The following NHSL2 variants were observed in gnomAD, a reference collection of about 807,000 sequenced individuals.
NHSL2 encodes NHS-like protein 2.
In NHSL2, 27 loss-of-function variants were observed where a neutral mutation model predicts 53.4. The observed-to-expected ratio is 0.51, with a 90% CI of 0.37 to 0.70. NHSL2 has a LOEUF of 0.70. NHSL2 is among the 30% of genes least tolerant of loss of function. NHSL2 has a pLI of 0.00. For missense variants in NHSL2, 892 were observed against 980.1 expected, an observed-to-expected ratio of 0.91 and a Z score of 1.20; for synonymous variants, 408 against 404.1, an observed-to-expected ratio of 1.01 and a Z score of -0.12.
chrX:72,131,572 G>A (rs1175448406), intron 1 of NHSL2: 1 of 1,139,469 alleles, frequency 8.8e-7, no homozygotes, highest in South Asian at 2.1e-5. Context: ...GGGGCTCCGT[G>A]GTGGGGAAAG....
At chrX:71,943,855 G>T (rs1418155851) in intron 1 of NHSL2, among the ~76,000 whole-genome samples, 3 of 112,145 alleles carry the variant, frequency 2.7e-5, no homozygotes, top group Non-Finnish European at 3.8e-5. Flanking sequence ...TTAGGTGGTT[G>T]CCTGCTCTGC....
intron 5 of NHSL2, among the ~76,000 whole-genome samples, chrX:72,137,527 TC>T (rs1569483755): frequency 8.9e-6 from 1 of 111,810 alleles, no homozygotes; most frequent in African/African-American, 3.3e-5. Context: ...GAGAGAGGGT[TC>T]CTCACCATCA....
Position 71,964,146 on chromosome X carries a change from T to C in NHSL2, c.280+52779T>C, listed in dbSNP as rs1242627851. On this transcript the variant is annotated intron_variant, in intron 1 of 7. Transcript: ENST00000633930. ...TTGTTACATAGGTATACACATGCCA[T>C]GGTGGTTTGCTGCACCCATCAACCC... Among the ~76,000 whole-genome samples, 7 of 100,742 alleles carry C rather than the reference T, an allele frequency of 6.9e-5. No individual in the cohort carries two copies. The East Asian group carries it at 2.2e-3, about 31-fold the overall frequency. The allele number at this position is 100,742 out of a possible 115,157, so 87.5% of individuals were successfully genotyped here.
intron 1 of NHSL2, among the ~76,000 whole-genome samples, chrX:72,126,558 C>CA (rs2042227338): frequency 1.1e-5 from 1 of 88,786 alleles, no homozygotes; most frequent in African/African-American, 3.5e-5. Flanking sequence ...TGAATGTTCC[C>CA]ACCCACTTCC....
intron 1 of NHSL2, among the ~76,000 whole-genome samples, chrX:71,966,746 G>A (rs1602284380): frequency 9.0e-6 from 1 of 111,503 alleles, no homozygotes; most frequent in East Asian, 2.8e-4. Context: ...ATTGGTCTGT[G>A]GTTTTCTTTT....
intron 1 of NHSL2, among the ~76,000 whole-genome samples, chrX:72,043,072 G>A (rs1239423563): frequency 9.0e-6 from 1 of 111,150 alleles, no homozygotes; most frequent in African/African-American, 3.3e-5. Context: ...TGCCGCTGAG[G>A]TTCCCACAAT....
chrX:72,054,110 G>A lies in NHSL2; in HGVS notation c.281-77969G>A, dbSNP rs760151932. Among the ~76,000 whole-genome samples, 6 of 111,517 alleles carry A rather than the reference G, an allele frequency of 5.4e-5. No homozygotes were observed. The East Asian group carries it at 1.7e-3, about 32-fold the overall frequency. ...ACTCTGGGCCAGCTCTGCTGTAGGT[G>A]CCAGGGATACTCCATAGCCCTCTCT... On this transcript the variant is annotated intron_variant, in intron 1 of 7. Coordinates refer to ENST00000633930, the MANE Select transcript of NHSL2 (RefSeq NM_001013627.3).
chrX:72,001,253 C>T (rs1408187761), intron 1 of NHSL2, among the ~76,000 whole-genome samples: 1 of 111,906 alleles, frequency 8.9e-6, no homozygotes, highest in Admixed American at 9.4e-5. Context: ...CTTTTTACTT[C>T]CTTTCCACAG....
chrX:72,067,347 G>A (rs1049942645), intron 1 of NHSL2, among the ~76,000 whole-genome samples: 1 of 111,157 alleles, frequency 9.0e-6, no homozygotes, highest in Non-Finnish European at 1.9e-5. Context: ...CATGTTCCTG[G>A]AAATATAATC....
rs371738524 is a variant in NHSL2 at position 72,135,984 on chromosome X, C to T, written c.761-1110C>T. Among the ~76,000 whole-genome samples the T allele has an allele frequency of 9.8e-4, 108 of 110,673 alleles. No individual in the cohort carries two copies. In the South Asian group the frequency reaches 0.039, roughly 40 times the overall value. ...CCAGGAGTCAGAGATTGCAGTGAGC[C>T]GAGATCACACCACTGCACTCCAGCC... On this transcript the variant is annotated intron_variant, in intron 4 of 7. Transcript: ENST00000633930.
intron 1 of NHSL2, among the ~76,000 whole-genome samples, chrX:72,030,551 A>G (rs936851714): frequency 7.2e-5 from 8 of 111,777 alleles, no homozygotes; most frequent in Non-Finnish European, 1.1e-4. Context: ...AGATCAAAAT[A>G]TAGAACATTC....
chrX:72,121,166 C>G (rs2042178548), intron 1 of NHSL2, among the ~76,000 whole-genome samples: 1 of 112,200 alleles, frequency 8.9e-6, no homozygotes, highest in African/African-American at 3.2e-5. Context: ...GGCAGGGACT[C>G]AGCTGACAGA....
chrX:72,028,640 A>C (rs1286743005), intron 1 of NHSL2, among the ~76,000 whole-genome samples: 2 of 112,007 alleles, frequency 1.8e-5, no homozygotes, highest in Non-Finnish European at 3.8e-5. Context: ...TGATAAGGTC[A>C]TGATAGGTGC....
Position 71,911,050 on chromosome X carries a change from C to T in NHSL2, c.-38C>T. The T allele has an allele frequency of 2.1e-6, 2 of 973,116 alleles. No homozygotes were observed. The highest frequency in any genetic ancestry group is 3.8e-5 in the South Asian group (1 of 26,574). 80.2% of individuals were successfully genotyped at this position (973,116 alleles called of 1,213,427 possible). On this transcript the variant is annotated 5_prime_UTR_variant, in exon 1 of 8. Coordinates refer to ENST00000633930, the MANE Select transcript of NHSL2 (RefSeq NM_001013627.3). Reference sequence around the variant, plus strand: ...GCTGCTCGGGGTGAGCCCGCCGCGCCGCCAGACTGGTCCCCTGCGCCCGCG... The same window carrying T: ...GCTGCTCGGGGTGAGCCCGCCGCGCTGCCAGACTGGTCCCCTGCGCCCGCG...
At chrX:72,037,422 C>CA (rs1209722622) in intron 1 of NHSL2, among the ~76,000 whole-genome samples, 103 of 97,697 alleles carry the variant, frequency 1.1e-3, no homozygotes, top group African/African-American at 3.0e-3. Context: ...GACTCTGTCT[C>CA]AAAAAAAAAA....
At chrX:72,106,517 G>T (rs1202329412) in intron 1 of NHSL2, among the ~76,000 whole-genome samples, 1 of 112,018 alleles carries the variant, frequency 8.9e-6, no homozygotes, top group Non-Finnish European at 1.9e-5. Context: ...ACTGTTGGTG[G>T]GAGTGTAAAT....
intron 1 of NHSL2, among the ~76,000 whole-genome samples, chrX:72,114,342 G>A (rs2042118414): frequency 8.9e-6 from 1 of 111,973 alleles, no homozygotes; most frequent in Non-Finnish European, 1.9e-5. Context: ...AGGTAGCAGC[G>A]GCCTCCTCTC....
At chrX:71,967,322 G>A (rs1263341559) in intron 1 of NHSL2, among the ~76,000 whole-genome samples, 1 of 110,810 alleles carries the variant, frequency 9.0e-6, no homozygotes. Flanking sequence ...CTTTTCTTCT[G>A]CTTACTTTGG....
chrX:72,141,614 C>T (rs774646687), intron 6 of NHSL2, among the ~76,000 whole-genome samples: 2 of 111,941 alleles, frequency 1.8e-5, no homozygotes, highest in African/African-American at 3.3e-5. Flanking sequence ...TGACTCTAGA[C>T]ACCTCATATA....
Sources: allele counts gnomAD v4.1 joint callset (sites outside exome capture counted in the v4.1 genomes callset), GRCh38; gene constraint gnomAD v4.1.1; transcripts MANE v1.5; gene names NCBI Gene and HGNC (gene_info 2026-07-23, HGNC 2026-07-21).